The following PAQR4 variants were observed in gnomAD, a reference collection of about 807,000 sequenced individuals.
PAQR4 encodes the protein progestin and adipoQ receptor family member IV.
Under a neutral mutation model 20.9 loss-of-function variants are expected in PAQR4, and 26 were observed. That is an observed-to-expected ratio of 1.24 (90% confidence interval 0.91 to 1.73). The LOEUF is 1.73. Among genes scored for constraint, PAQR4 ranks in the 40% most tolerant of loss-of-function variants. The pLI, the probability that PAQR4 is intolerant of heterozygous loss-of-function variation, is 0.00. For synonymous variants in PAQR4, 193 were observed against 171.6 expected (o/e 1.12, Z -0.97); for missense variants, 400 against 380.1 (o/e 1.05, Z -0.44).
Position 2,972,810 on chromosome 16 carries a change from G to C in PAQR4, c.*862G>C. On this transcript the variant is annotated 3_prime_UTR_variant, in exon 3 of 3. Transcript: ENST00000318782. ...GCCATGTTGCCACATGAGCAAGCTT[G>C]GGTGCTCCCAAGGTTCAAATACTTT... 1 of 1,539,112 alleles carries C rather than the reference G, an allele frequency of 6.5e-7. No individual in the cohort carries two copies. The highest frequency in any genetic ancestry group is 1.2e-5 in the South Asian group (1 of 83,782).
chr16:2,969,414 G>A lies in PAQR4; in HGVS notation c.-261G>A. 5.0e-6 allele frequency: 1 copy of A among 200,804 alleles called. No individual in the cohort carries two copies. The highest frequency in any genetic ancestry group is 6.0e-5 in the Admixed American group (1 of 16,608). The allele number at this position is 200,804 out of a possible 1,614,324, so 12.4% of individuals were successfully genotyped here. A position where few individuals can be genotyped will look rare whatever the true frequency, so the allele number is the denominator to read the frequency against. On this transcript the variant is annotated 5_prime_UTR_variant, in exon 1 of 3. Coordinates refer to ENST00000318782, the MANE Select transcript of PAQR4 (RefSeq NM_152341.5). ...GTCCCTGCGGCGCGTCTGCCTTGGC[G>A]GAGCCGACCGCAGTGCGCTCAGGCG...
chr16:2,969,585 C>G lies in PAQR4; in HGVS notation c.-90C>G. ...TGGGTGGGCGCCGGGCGCCGGGCGC[C>G]AGGCAGTGATGGGCCTTCCCGCGCT... On this transcript the variant is annotated 5_prime_UTR_variant, in exon 1 of 3. Coordinates refer to ENST00000318782, the MANE Select transcript of PAQR4 (RefSeq NM_152341.5). 1 of 1,330,572 alleles carries G rather than the reference C, an allele frequency of 7.5e-7. No individual in the cohort carries two copies. The highest frequency in any genetic ancestry group is 9.6e-7 in the Non-Finnish European group (1 of 1,039,680). 82.4% of individuals were successfully genotyped at this position (1,330,572 alleles called of 1,614,324 possible).
rs199526537 is a variant in PAQR4 at position 2,973,156 on chromosome 16, C to T, written c.*1208C>T. 33 of 1,541,684 alleles carry T rather than the reference C, an allele frequency of 2.1e-5. No individual in the cohort carries two copies. Among genetic ancestry groups the T allele is most frequent in the Middle Eastern group, 1.7e-4 (1 of 5,880 alleles). ...TGCTTACCTGGGTGTGCACCTGCTCCGGGGGGTGGAGGTGCTCCCCACAGT... is the reference window on the plus strand; with the variant it reads ...TGCTTACCTGGGTGTGCACCTGCTCTGGGGGGTGGAGGTGCTCCCCACAGT... On this transcript the variant is annotated 3_prime_UTR_variant, in exon 3 of 3. Transcript: ENST00000318782.
In PAQR4 at chr16:2,971,575, T is replaced by C; in HGVS notation, c.449T>C (p.Leu150Pro). ...ACRPWLRPAA[L>P]VGYTVLSGVA... Reference sequence around the variant, plus strand: ...AGGCCCTGGCTGCGCCCGGCTGCCCTGGTGGGCTACACTGTGTTGTCGGGT... The same window carrying C: ...AGGCCCTGGCTGCGCCCGGCTGCCCCGGTGGGCTACACTGTGTTGTCGGGT... Residue 150 changes from leucine to proline, a missense_variant, in exon 3 of 3, where the codon CTG (leucine) becomes CCG (proline). By Grantham distance (98) the Leu-to-Pro change is moderately conservative. Transcript: ENST00000318782. The C allele has an allele frequency of 6.3e-7, 1 of 1,599,086 alleles. No individual in the cohort carries two copies. The highest frequency in any genetic ancestry group is 1.1e-5 in the South Asian group (1 of 91,006).
At chr16:2,970,066 G>A (rs2071940045) in intron 1 of PAQR4, 2 of 580,884 alleles carry the variant, frequency 3.4e-6, no homozygotes, top group East Asian at 3.2e-5. Flanking sequence ...GCAGAGTAGG[G>A]TCTGAGCCTG....
At position 2,971,711 on chromosome 16, in the gene PAQR4, G is replaced by C. The variant is rs35149676; in HGVS notation, c.585G>C (p.Leu195=). The part of the protein sequence containing the change: ...LLVFGARGVG[L]GSGAPGSLPC... ...TATTTGGGGCCCGGGGAGTGGGTCT[G>C]GGTTCAGGGGCTCCAGGCTCCCTGC... The change falls in exon 3 of 3, where the codon CTG becomes CTC. Residue 195 remains leucine, a synonymous_variant. Coordinates refer to ENST00000318782, the MANE Select transcript of PAQR4 (RefSeq NM_152341.5). The C allele has an allele frequency of 0.021, 33,498 of 1,612,494 alleles. 407 individuals carry two copies. The highest frequency in any genetic ancestry group is 0.025 in the Non-Finnish European group (29,071 of 1,179,730).
In PAQR4 at chr16:2,971,463, C is replaced by T. The variant is rs370242382; in HGVS notation, c.389-52C>T. ...CATACAAGCCATGGGTAGGGAAGGG[C>T]GGGTGGACCCTCACAATGACATGCC... On this transcript the variant is annotated intron_variant, in intron 2 of 2. Transcript: ENST00000318782. 104 of 1,571,328 alleles carry T rather than the reference C, an allele frequency of 6.6e-5. No homozygotes were observed. In the East Asian group the frequency reaches 1.3e-3, roughly 19 times the overall value.
At chr16:2,971,037 C>T (rs868300569) in intron 1 of PAQR4, 120 bp from the exon 2 acceptor site, 55 of 1,021,960 alleles carry the variant, frequency 5.4e-5, no homozygotes, top group East Asian at 4.1e-4. Flanking sequence ...AAGGCCAGGC[C>T]GCCAACTGGA....
At position 2,972,769 on chromosome 16, in the gene PAQR4, T is replaced by TA. The variant is rs2072031663; in HGVS notation, c.*824dup. 1 of 1,539,352 alleles carries TA rather than the reference T, an allele frequency of 6.5e-7. No individual in the cohort carries two copies. Reference sequence around the variant, plus strand: ...GCGTTAAGACCCTGGATGACATCAATAAAGGGACAGGAAGGGCCATGTTGC... The same window carrying TA: ...GCGTTAAGACCCTGGATGACATCAATAAAAGGGACAGGAAGGGCCATGTTGC... On this transcript the variant is annotated 3_prime_UTR_variant, in exon 3 of 3. Coordinates refer to ENST00000318782, the MANE Select transcript of PAQR4 (RefSeq NM_152341.5).
Position 2,969,498 on chromosome 16 carries a change from C to T in PAQR4, c.-177C>T, listed in dbSNP as rs2071919953. The T allele has an allele frequency of 3.9e-6, 2 of 512,058 alleles. No homozygotes were observed. The highest frequency in any genetic ancestry group is 2.0e-5 in the African/African-American group (1 of 49,180). The allele number at this position is 512,058 out of a possible 1,614,324, so 31.7% of individuals were successfully genotyped here. A position where few individuals can be genotyped will look rare whatever the true frequency, so the allele number is the denominator to read the frequency against. On this transcript the variant is annotated 5_prime_UTR_variant, in exon 1 of 3. Transcript: ENST00000318782. ...GGGCGACGGACTCGCGCGTGCGCAG[C>T]GCCGGAGGGGCGCGGGCTGGGACCC...
rs1471918831 is a variant in PAQR4, at chr16:2,971,308, AG to A, written c.323del (p.Gly108AlafsTer112). The A allele has an allele frequency of 2.5e-6, 4 of 1,612,536 alleles. No individual in the cohort carries two copies. The African/African-American group carries it at 5.3e-5, about 22-fold the overall frequency. On this transcript the variant is annotated frameshift_variant, in exon 2 of 3. Coordinates refer to ENST00000318782, the MANE Select transcript of PAQR4 (RefSeq NM_152341.5). LOFTEE classifies it high-confidence loss of function. ...VLYHLFMCHQGGSAVYARLLA... is the reference protein window; with the variant it reads ...VLYHLFMCHQXGSAVYARLLA... The stretch of plus-strand genomic sequence containing the variant: ...TCTATCACCTCTTTATGTGCCACCA[AG>A]GGGGCAGCGCTGTGTACGCCCGGCT...
At chr16:2,971,405 C>G (rs765563380) in intron 2 of PAQR4, 27 bp downstream of exon 2, 1 of 1,598,344 alleles carries the variant, frequency 6.3e-7, no homozygotes, top group African/African-American at 1.3e-5. Context: ...GGGATGGGAG[C>G]TGGAGCCACC....
rs1596443773 is a variant in PAQR4, at chr16:2,972,152, C to T, written c.*204C>T. The T allele has an allele frequency of 1.5e-5, 9 of 585,472 alleles. 1 individual carries two copies. In the East Asian group the frequency reaches 2.3e-4, roughly 15 times the overall value. The allele number at this position is 585,472 out of a possible 1,614,324, so 36.3% of individuals were successfully genotyped here. On this transcript the variant is annotated 3_prime_UTR_variant, in exon 3 of 3. Transcript: ENST00000318782. The stretch of plus-strand genomic sequence containing the variant: ...TCCAACTTCCTTCCCTGCCTTTTCC[C>T]TCCAAGCTCCTATTTTACTGTGTCA...
At chr16:2,969,914 C>T in intron 1 of PAQR4, 74 bp downstream of exon 1, 1 of 1,574,406 alleles carries the variant, frequency 6.4e-7, no homozygotes, top group South Asian at 1.1e-5. Context: ...GCACTGAGGC[C>T]GAGGAGGGCC....
In PAQR4 at chr16:2,969,694, C is replaced by G. The variant is rs772363308; in HGVS notation, c.20C>G (p.Pro7Arg). Residue 7 changes from proline to arginine, a missense_variant, in exon 1 of 3, where the codon CCG becomes CGG. By Grantham distance (103) the Pro-to-Arg change is moderately radical (BLOSUM62 -2). Coordinates refer to ENST00000318782, the MANE Select transcript of PAQR4 (RefSeq NM_152341.5). Reference sequence around the variant, plus strand: ...CGGACCATGGCGTTCCTGGCCGGGCCGCGCCTGCTGGACTGGGCCAGCTCG... The same window carrying G: ...CGGACCATGGCGTTCCTGGCCGGGCGGCGCCTGCTGGACTGGGCCAGCTCG... MAFLAG[P>R]RLLDWASSPP... is the part of the protein sequence containing the mutation. 19 of 1,582,038 alleles carry G rather than the reference C, an allele frequency of 1.2e-5. No homozygotes were observed. The Admixed American group carries it at 2.9e-4, about 24-fold the overall frequency.
Position 2,972,261 on chromosome 16 carries a change from G to C in PAQR4, c.*313G>C. Reference sequence around the variant, plus strand: ...GACCAGAGAGGGACTCTGGGGTCACGTCTTGCTCTGAGAGTTCAAGTCCTG... The same window carrying C: ...GACCAGAGAGGGACTCTGGGGTCACCTCTTGCTCTGAGAGTTCAAGTCCTG... On this transcript the variant is annotated 3_prime_UTR_variant, in exon 3 of 3. Coordinates refer to ENST00000318782, the MANE Select transcript of PAQR4 (RefSeq NM_152341.5). The C allele has an allele frequency of 2.0e-6, 1 of 504,948 alleles. No individual in the cohort carries two copies. 31.3% of individuals were successfully genotyped at this position (504,948 alleles called of 1,614,324 possible). A position where few individuals can be genotyped will look rare whatever the true frequency, so the allele number is the denominator to read the frequency against.
In PAQR4 at chr16:2,971,664, C is replaced by T. The variant is rs878910075; in HGVS notation, c.538C>T (p.Gln180Ter). 4 of 1,610,876 alleles carry T rather than the reference C, an allele frequency of 2.5e-6. No homozygotes were observed. The South Asian group carries it at 3.3e-5, about 13-fold the overall frequency. The change falls in exon 3 of 3, where the codon CAG becomes TAG. Residue 180 changes from glutamine (Q) to a stop codon, truncating the protein, a stop_gained. Coordinates refer to ENST00000318782, the MANE Select transcript of PAQR4 (RefSeq NM_152341.5). LOFTEE classifies it high-confidence loss of function. ...TSARLRAFGWQAAARLLVFGA... is the reference protein window; with the variant it reads ...TSARLRAFGW ...TGCTCGGCTCCGGGCATTTGGATGG[C>T]AGGCTGCTGCCCGCCTACTGGTATT...
In PAQR4 at chr16:2,973,085, C is replaced by T; in HGVS notation, c.*1137C>T. The T allele has an allele frequency of 6.3e-7, 1 of 1,580,800 alleles. No individual in the cohort carries two copies. The highest frequency in any genetic ancestry group is 8.6e-7 in the Non-Finnish European group (1 of 1,162,044). Reference sequence around the variant, plus strand: ...CATCCCTGGGAGGAGAGAGTAGTGACACTCAGGATCCAAAAGCTAGCCCTG... The same window carrying T: ...CATCCCTGGGAGGAGAGAGTAGTGATACTCAGGATCCAAAAGCTAGCCCTG... On this transcript the variant is annotated 3_prime_UTR_variant, in exon 3 of 3. Transcript: ENST00000318782.
rs903830633 is a variant in PAQR4 at position 2,973,120 on chromosome 16, G to A, written c.*1172G>A. The A allele has an allele frequency of 1.9e-6, 3 of 1,560,472 alleles. No homozygotes were observed. Among genetic ancestry groups the A allele is most frequent in the Non-Finnish European group, 2.6e-6 (3 of 1,148,956 alleles). Reference sequence around the variant, plus strand: ...CCAAAAGCTAGCCCTGCCCACCCCAGCCCCTGGACCTGCTTACCTGGGTGT... The same window carrying A: ...CCAAAAGCTAGCCCTGCCCACCCCAACCCCTGGACCTGCTTACCTGGGTGT... On this transcript the variant is annotated 3_prime_UTR_variant, in exon 3 of 3. Coordinates refer to ENST00000318782, the MANE Select transcript of PAQR4 (RefSeq NM_152341.5).
Sources: allele counts gnomAD v4.1 joint callset, GRCh38; gene constraint gnomAD v4.1.1; transcripts MANE v1.5; gene names NCBI Gene and HGNC (gene_info 2026-07-23, HGNC 2026-07-21).